GPC5: variants seen among roughly 807,000 people sequenced by gnomAD.
GPC5 encodes glypican-5.
GPC5 carries 47 observed loss-of-function variants against 53.9 expected under a neutral mutation model. The ratio of observed to expected loss-of-function variants is 0.87; its 90% CI spans 0.69 to 1.11. The LOEUF is 1.11. GPC5 is among the 50% of genes most tolerant of loss of function. The pLI is 0.00. For synonymous variants in GPC5, 286 were observed against 263.3 expected (o/e 1.09, Z -0.84); for missense variants, 748 against 713.1 (o/e 1.05, Z -0.56).
At chr13:91,410,571 C>T (rs556002309) in intron 1 of GPC5, among the ~76,000 whole-genome samples, 12 of 151,750 alleles carry the variant, frequency 7.9e-5, no homozygotes, top group African/African-American at 1.7e-4. Flanking sequence ...TGGTCTCGAT[C>T]TCCTGACCTC....
chr13:92,377,622 T>C (rs1371115079), intron 7 of GPC5, among the ~76,000 whole-genome samples: 2 of 152,230 alleles, frequency 1.3e-5, no homozygotes, highest in African/African-American at 2.4e-5. Flanking sequence ...TACTAACTTA[T>C]GAAAAATTCA....
At chr13:91,494,776 C>T (rs1884156869) in intron 2 of GPC5, among the ~76,000 whole-genome samples, 1 of 152,068 alleles carries the variant, frequency 6.6e-6, no homozygotes, top group African/African-American at 2.4e-5. Flanking sequence ...CTTTTTCTCC[C>T]CCCTTATTGA....
At chr13:92,859,346 A>C (rs529378540) in intron 7 of GPC5, among the ~76,000 whole-genome samples, 9 of 152,280 alleles carry the variant, frequency 5.9e-5, no homozygotes, top group African/African-American at 2.2e-4. Flanking sequence ...TTGTTCTGTT[A>C]ACAGCCACCT....
chr13:91,910,689 T>C (rs973928012), intron 6 of GPC5, among the ~76,000 whole-genome samples: 10 of 152,144 alleles, frequency 6.6e-5, no homozygotes, highest in African/African-American at 2.2e-4. Context: ...ACTAAGGAAA[T>C]AGATAAAGAT....
chr13:92,731,049 CAT>C (rs1243254687), intron 7 of GPC5, among the ~76,000 whole-genome samples: 1 of 151,290 alleles, frequency 6.6e-6, no homozygotes, highest in African/African-American at 2.4e-5. Context: ...CAAAGGCCAG[CAT>C]ATAGTCTTCA....
intron 6 of GPC5, among the ~76,000 whole-genome samples, chr13:91,948,251 T>A (rs1407609796): frequency 6.9e-6 from 1 of 145,724 alleles, no homozygotes; most frequent in African/African-American, 2.7e-5. Context: ...AAATAAATAA[T>A]AATAATAATA....
At chr13:92,485,418 T>C (rs983328474) in intron 7 of GPC5, among the ~76,000 whole-genome samples, 6 of 152,172 alleles carry the variant, frequency 3.9e-5, no homozygotes, top group Admixed American at 2.0e-4. Flanking sequence ...TAGCCTTTAC[T>C]CTCATAGAAA....
intron 7 of GPC5, among the ~76,000 whole-genome samples, chr13:92,764,132 A>G (rs762774765): frequency 2.6e-5 from 4 of 152,120 alleles, no homozygotes; most frequent in Non-Finnish European, 5.9e-5. Flanking sequence ...GGTTTTCTAG[A>G]AGGCAATGTA....
chr13:91,861,776 TTTAA>T (rs57552453), intron 5 of GPC5, among the ~76,000 whole-genome samples: 28,483 of 125,574 alleles, frequency 0.23, 3,139 homozygotes, highest in East Asian at 0.46. Flanking sequence ...CTTATTTTTG[TTTAA>T]TTGTGTTTTA....
intron 7 of GPC5, among the ~76,000 whole-genome samples, chr13:92,746,213 A>G (rs1359792855): frequency 1.3e-5 from 2 of 152,136 alleles, no homozygotes; most frequent in East Asian, 3.8e-4. Flanking sequence ...GTAGCTTTAT[A>G]AAAGGTGCTT....
chr13:91,425,073 T>C (rs1203220700), intron 1 of GPC5, among the ~76,000 whole-genome samples: 1 of 152,168 alleles, frequency 6.6e-6, no homozygotes, highest in Non-Finnish European at 1.5e-5. Flanking sequence ...AAATGAACTG[T>C]TTATTTTTCA....
At chr13:91,830,611 TG>T (rs1488662051) in intron 5 of GPC5, among the ~76,000 whole-genome samples, 1 of 151,458 alleles carries the variant, frequency 6.6e-6, no homozygotes, top group East Asian at 1.9e-4. Flanking sequence ...AACTAATAAA[TG>T]TCCATGAAAT....
intron 3 of GPC5, among the ~76,000 whole-genome samples, chr13:91,718,578 G>C (rs963591910): frequency 1.3e-5 from 2 of 152,006 alleles, no homozygotes; most frequent in African/African-American, 4.8e-5. Flanking sequence ...ATATCACAAA[G>C]CTCAATGGTC....
intron 7 of GPC5, among the ~76,000 whole-genome samples, chr13:92,158,851 G>T (rs1297916826): frequency 6.6e-6 from 1 of 152,124 alleles, no homozygotes; most frequent in African/African-American, 2.4e-5. Context: ...AGGCTGGTTC[G>T]GTATCAAAAT....
intron 2 of GPC5, among the ~76,000 whole-genome samples, chr13:91,579,106 A>G (rs2032250686): frequency 6.6e-6 from 1 of 152,136 alleles, no homozygotes; most frequent in Non-Finnish European, 1.5e-5. Context: ...AACAGAACCA[A>G]TGGTCATATT....
chr13:91,534,462 A>G (rs1347315397), intron 2 of GPC5, among the ~76,000 whole-genome samples: 1 of 152,250 alleles, frequency 6.6e-6, no homozygotes, highest in Non-Finnish European at 1.5e-5. Flanking sequence ...AATACTATGC[A>G]TGCATTTAGA....
rs541952273 is a variant in GPC5 at position 92,633,054 on chromosome 13, C to T, written c.1562-233228C>T. On this transcript the variant is annotated intron_variant, in intron 7 of 7. Transcript: ENST00000377067. ...TACAGGCATGCACCACTATGCCCAGCTTATTTTTGTATTTTTAGTAAAGAC... is the reference window on the plus strand; with the variant it reads ...TACAGGCATGCACCACTATGCCCAGTTTATTTTTGTATTTTTAGTAAAGAC... 6.8e-4 allele frequency among the ~76,000 whole-genome samples: 104 copies of T among 152,188 alleles called. 1 individual carries two copies. The highest frequency in any genetic ancestry group is 2.2e-3 in the African/African-American group (93 of 41,536).
intron 6 of GPC5, among the ~76,000 whole-genome samples, chr13:92,115,385 A>C (rs2138934219): frequency 6.6e-6 from 1 of 152,276 alleles, no homozygotes; most frequent in East Asian, 1.9e-4. Context: ...GCATGCCTAT[A>C]GTCTCAGCTA....
chr13:92,716,966 G>T (rs1162744574), intron 7 of GPC5, among the ~76,000 whole-genome samples: 1 of 152,116 alleles, frequency 6.6e-6, no homozygotes, highest in Non-Finnish European at 1.5e-5. Context: ...TCCAAGTGAG[G>T]ATACTGAAGT....
Sources: allele counts gnomAD v4.1 joint callset (sites outside exome capture counted in the v4.1 genomes callset), GRCh38; gene constraint gnomAD v4.1.1; transcripts MANE v1.5; gene names NCBI Gene and HGNC (gene_info 2026-07-23, HGNC 2026-07-21).